The following FHIT variants were observed in gnomAD, a reference collection of about 807,000 sequenced individuals.
FHIT encodes the protein bis(5'-adenosyl)-triphosphatase.
FHIT carries 19 observed loss-of-function variants against 17.9 expected under a neutral mutation model. The observed-to-expected ratio is 1.06, with a 90% CI of 0.74 to 1.56. The LOEUF (loss-of-function observed/expected upper bound fraction) is 1.56. Ranked by LOEUF, FHIT falls within the 40% of genes most tolerant of loss-of-function variation. The probability of loss-of-function intolerance (pLI) is 0.00; values close to 1 mark genes in which losing one functional copy is unlikely to be tolerated. For synonymous variants in FHIT, 81 were observed against 69.7 expected (o/e 1.16, Z -0.81); for missense variants, 248 against 189.2 (o/e 1.31, Z -1.82).
intron 8 of FHIT, among the ~76,000 whole-genome samples, chr3:59,845,472 T>C (rs1431022898): frequency 6.6e-6 from 1 of 152,138 alleles, no homozygotes; most frequent in African/African-American, 2.4e-5. Context: ...ATATGTTGTG[T>C]TTTTGTTTTC....
chr3:60,280,440 T>G (rs1019656100), intron 5 of FHIT, among the ~76,000 whole-genome samples: 3 of 152,172 alleles, frequency 2.0e-5, no homozygotes, highest in Admixed American at 1.3e-4. Context: ...GGTGAGAAGA[T>G]TACCCTAAGT....
chr3:60,557,814 A>G (rs2036793413), intron 4 of FHIT, among the ~76,000 whole-genome samples: 3 of 152,118 alleles, frequency 2.0e-5, no homozygotes, highest in Admixed American at 2.0e-4. Flanking sequence ...TTTGAGTCCA[A>G]GTAAAACAAT....
chr3:59,765,138 G>A (rs1036225287), intron 8 of FHIT, among the ~76,000 whole-genome samples: 1 of 152,114 alleles, frequency 6.6e-6, no homozygotes, highest in African/African-American at 2.4e-5. Context: ...CTTCATGAAT[G>A]AAAAACCTAT....
chr3:60,189,459 T>C (rs1382013825), intron 5 of FHIT, among the ~76,000 whole-genome samples: 1 of 149,632 alleles, frequency 6.7e-6, no homozygotes, highest in South Asian at 2.1e-4. Flanking sequence ...TTTCATACTT[T>C]AGATACTTTA....
chr3:61,212,960 G>C (rs975420267), intron 1 of FHIT, among the ~76,000 whole-genome samples: 7 of 152,200 alleles, frequency 4.6e-5, no homozygotes, highest in Admixed American at 2.0e-4. Context: ...AATGCTGAGA[G>C]ATTTTCTCAC....
intron 7 of FHIT, among the ~76,000 whole-genome samples, chr3:59,953,055 A>C (rs1575756490): frequency 1.3e-5 from 2 of 151,714 alleles, no homozygotes; most frequent in African/African-American, 4.8e-5. Context: ...TTTCTCTCTG[A>C]ATCTCGGTCC....
intron 5 of FHIT, among the ~76,000 whole-genome samples, chr3:60,484,769 C>A (rs1461727419): frequency 6.6e-6 from 1 of 152,034 alleles, no homozygotes; most frequent in African/African-American, 2.4e-5. Flanking sequence ...GACGAAAATG[C>A]CAAAAGCAAT....
At chr3:60,363,755 C>G (rs376767207) in intron 5 of FHIT, among the ~76,000 whole-genome samples, 4 of 151,982 alleles carry the variant, frequency 2.6e-5, no homozygotes, top group Admixed American at 2.0e-4. Flanking sequence ...GCTTCCCTGG[C>G]CCCCCTGGCC....
Position 59,881,542 on chromosome 3 carries a change from T to C in FHIT, c.348+40804A>G, listed in dbSNP as rs75282060. On this transcript the variant is annotated intron_variant, in intron 8 of 9. Coordinates refer to ENST00000492590, the MANE Select transcript of FHIT (RefSeq NM_002012.4). ...ACCCTGAGGAAAATGCACATACACA[T>C]AAATGTTCACATATAATTTCTACAG... 9.0e-3 allele frequency among the ~76,000 whole-genome samples: 1,365 copies of C among 152,162 alleles called. 8 individuals are homozygous for C. The highest frequency in any genetic ancestry group is 0.02 in the Middle Eastern group (6 of 294).
chr3:59,932,077 G>A (rs887296401), intron 7 of FHIT, among the ~76,000 whole-genome samples: 5 of 152,102 alleles, frequency 3.3e-5, no homozygotes, highest in African/African-American at 9.7e-5. Flanking sequence ...CTCACAAGGT[G>A]GAAATCATTG....
At chr3:60,888,572 C>G (rs966209206) in intron 3 of FHIT, among the ~76,000 whole-genome samples, 1 of 151,954 alleles carries the variant, frequency 6.6e-6, no homozygotes, top group Non-Finnish European at 1.5e-5. Context: ...CAAATTATTT[C>G]TGTTTCTTGA....
intron 5 of FHIT, among the ~76,000 whole-genome samples, chr3:60,232,168 G>C (rs986272675): frequency 6.6e-6 from 1 of 152,170 alleles, no homozygotes; most frequent in African/African-American, 2.4e-5. Flanking sequence ...GTCCCTGTAA[G>C]AACACTCTCA....
Position 61,149,511 on chromosome 3 carries a change from T to C in FHIT, c.-164+51106A>G, listed in dbSNP as rs1007950117. ...GTTGACTGAAAAATTGGTTTTATTT[T>C]ACTGGTTGACAGTTGAAATACAGTC... On this transcript the variant is annotated intron_variant, in intron 2 of 9. Coordinates refer to ENST00000492590, the MANE Select transcript of FHIT (RefSeq NM_002012.4). 4.6e-5 allele frequency among the ~76,000 whole-genome samples: 7 copies of C among 152,294 alleles called. No individual in the cohort carries two copies. The East Asian group carries it at 1.3e-3, about 29-fold the overall frequency.
chr3:60,196,111 C>T lies in FHIT; in HGVS notation c.104-181959G>A, dbSNP rs943783442. 5.9e-5 allele frequency among the ~76,000 whole-genome samples: 9 copies of T among 152,056 alleles called. No individual in the cohort carries two copies. The South Asian group carries it at 1.2e-3, about 21-fold the overall frequency. ...GATGGACATATTAGTTTATTATTGC[C>T]GCTGTCACAAATTACCACATACTTA... On this transcript the variant is annotated intron_variant, in intron 5 of 9. Coordinates refer to ENST00000492590, the MANE Select transcript of FHIT (RefSeq NM_002012.4).
intron 3 of FHIT, among the ~76,000 whole-genome samples, chr3:60,944,421 T>C (rs1274446284): frequency 6.6e-6 from 1 of 152,176 alleles, no homozygotes; most frequent in African/African-American, 2.4e-5. Flanking sequence ...TAACTTTCAG[T>C]GTGTCAGTGA....
At chr3:60,410,081 T>G (rs1702007973) in intron 5 of FHIT, among the ~76,000 whole-genome samples, 1 of 152,146 alleles carries the variant, frequency 6.6e-6, no homozygotes, top group Non-Finnish European at 1.5e-5. Context: ...TTCAGAATAC[T>G]AAGAACCTGC....
intron 4 of FHIT, among the ~76,000 whole-genome samples, chr3:60,646,666 G>C (rs782237783): frequency 6.6e-6 from 1 of 152,122 alleles, no homozygotes; most frequent in Non-Finnish European, 1.5e-5. Flanking sequence ...TTAGAAAAAA[G>C]TGAGAAAAAA....
Position 59,752,225 on chromosome 3 carries a change from G to A in FHIT, c.*1C>T. On this transcript the variant is annotated 3_prime_UTR_variant, in exon 9 of 10. Coordinates refer to ENST00000492590, the MANE Select transcript of FHIT (RefSeq NM_002012.4). ...ATGACGAAATGCAGTCTTTACCTGT[G>A]TCACTGAAAGTAGACCCGCAGAGCT... is the stretch of plus-strand genomic sequence containing the variant. 1.2e-6 allele frequency: 2 copies of A among 1,610,734 alleles called. No homozygotes were observed. Among genetic ancestry groups the A allele is most frequent in the Non-Finnish European group, 1.7e-6 (2 of 1,177,582 alleles).
chr3:60,158,643 G>C (rs144699797), intron 5 of FHIT, among the ~76,000 whole-genome samples: 1 of 152,076 alleles, frequency 6.6e-6, no homozygotes, highest in Non-Finnish European at 1.5e-5. Context: ...ACAAAGAAAA[G>C]GTCACTGCAC....
Sources: gnomAD v4.1 joint callset for allele counts (sites outside exome capture counted in the v4.1 genomes callset) on GRCh38, gnomAD v4.1.1 for gene constraint, MANE v1.5 for transcripts, NCBI Gene and HGNC (gene_info 2026-07-23, HGNC 2026-07-21) for gene names.